ADGRB3: variants seen among roughly 807,000 people sequenced by gnomAD.
The protein encoded by ADGRB3 is adhesion G protein-coupled receptor B3, also known as brain-specific angiogenesis inhibitor 3.
Under a neutral mutation model 193.4 loss-of-function variants are expected in ADGRB3, and 37 were observed. The observed-to-expected ratio is 0.19, with a 90% CI of 0.15 to 0.25. ADGRB3 has a LOEUF of 0.25. Ranked by LOEUF, ADGRB3 falls within the 10% of genes least tolerant of loss-of-function variation. ADGRB3 has a pLI of 1.00. For synonymous variants in ADGRB3, 690 were observed against 644.2 expected (o/e 1.07, Z -1.08); for missense variants, 1,637 against 1,852.9 (o/e 0.88, Z 2.14).
chr6:69,024,870 A>T (rs1219314988), intron 13 of ADGRB3, among the ~76,000 whole-genome samples: 1 of 152,148 alleles, frequency 6.6e-6, no homozygotes, highest in Admixed American at 6.5e-5. Flanking sequence ...AGGCAGGCGG[A>T]TCATGAGGTC....
At chr6:69,030,591 A>G (rs1236638871) in intron 13 of ADGRB3, among the ~76,000 whole-genome samples, 1 of 152,108 alleles carries the variant, frequency 6.6e-6, no homozygotes, top group Non-Finnish European at 1.5e-5. Context: ...CAGGGAGGGG[A>G]ACATCACACA....
chr6:69,209,367 G>A (rs954493730), intron 17 of ADGRB3, among the ~76,000 whole-genome samples: 6 of 152,136 alleles, frequency 3.9e-5, no homozygotes, highest in Non-Finnish European at 8.8e-5. Context: ...ACCTTAGAAG[G>A]AATATCTCAA....
intron 3 of ADGRB3, among the ~76,000 whole-genome samples, chr6:68,919,785 G>A (rs1412569101): frequency 6.6e-6 from 1 of 152,156 alleles, no homozygotes; most frequent in African/African-American, 2.4e-5. Flanking sequence ...CAAGAGAGCA[G>A]TTTCATTCAA....
chr6:69,212,282 C>T (rs549635599), intron 17 of ADGRB3, among the ~76,000 whole-genome samples: 2 of 152,072 alleles, frequency 1.3e-5, no homozygotes, highest in Non-Finnish European at 2.9e-5. Flanking sequence ...ATACATAAAT[C>T]ACACAGAACT....
chr6:69,326,324 A>T (rs534682260), intron 21 of ADGRB3, among the ~76,000 whole-genome samples: 3 of 152,242 alleles, frequency 2.0e-5, no homozygotes, highest in Non-Finnish European at 4.4e-5. Flanking sequence ...AAGGCCTTCT[A>T]AAGTTGAGAT....
intron 17 of ADGRB3, among the ~76,000 whole-genome samples, chr6:69,081,096 A>G (rs1385153963): frequency 2.0e-5 from 3 of 152,048 alleles, no homozygotes; most frequent in African/African-American, 7.2e-5. Flanking sequence ...ATTCGTAGTC[A>G]GTATGTTGCA....
At chr6:69,368,938 G>C (rs1769646715) in intron 29 of ADGRB3, among the ~76,000 whole-genome samples, 1 of 152,040 alleles carries the variant, frequency 6.6e-6, no homozygotes, top group African/African-American at 2.4e-5. Flanking sequence ...ATTAGGAAGA[G>C]GAAAGAGCAT....
intron 17 of ADGRB3, chr6:69,232,988 T>C (rs1310300627): frequency 2.3e-6 from 1 of 435,898 alleles, no homozygotes; most frequent in Non-Finnish European, 4.1e-6. Context: ...CTGCTCGTGC[T>C]GCCGCCGCTG....
chr6:69,344,247 G>A (rs531707371), intron 26 of ADGRB3, among the ~76,000 whole-genome samples: 1 of 152,136 alleles, frequency 6.6e-6, no homozygotes, highest in Non-Finnish European at 1.5e-5. Flanking sequence ...CACTAACAGG[G>A]CCAAGCTCCT....
chr6:69,097,195 A>G (rs940233341), intron 17 of ADGRB3, among the ~76,000 whole-genome samples: 3 of 152,230 alleles, frequency 2.0e-5, no homozygotes, highest in African/African-American at 7.2e-5. Flanking sequence ...TGAGATTAGC[A>G]TATCTATGAC....
chr6:69,303,754 G>C (rs1768000929), intron 20 of ADGRB3, among the ~76,000 whole-genome samples: 1 of 151,906 alleles, frequency 6.6e-6, no homozygotes, highest in Non-Finnish European at 1.5e-5. Flanking sequence ...GCATAAAACT[G>C]ACCTATCTCT....
chr6:69,058,330 T>C (rs1031042320), intron 15 of ADGRB3, among the ~76,000 whole-genome samples: 7 of 151,958 alleles, frequency 4.6e-5, no homozygotes, highest in Non-Finnish European at 8.8e-5. Flanking sequence ...TCTTCTCTCT[T>C]TCTTTTCACT....
intron 3 of ADGRB3, among the ~76,000 whole-genome samples, chr6:68,864,431 C>T (rs1256056568): frequency 2.6e-5 from 4 of 152,090 alleles, no homozygotes; most frequent in Non-Finnish European, 5.9e-5. Flanking sequence ...GAAAAGTGTG[C>T]CATTTTCAGG....
intron 3 of ADGRB3, among the ~76,000 whole-genome samples, chr6:68,798,012 G>A (rs1274046610): frequency 6.6e-6 from 1 of 151,740 alleles, no homozygotes; most frequent in Non-Finnish European, 1.5e-5. Context: ...CTTTTTTATT[G>A]TGACACTCCT....
chr6:68,808,481 C>A (rs1767451903), intron 3 of ADGRB3, among the ~76,000 whole-genome samples: 2 of 147,392 alleles, frequency 1.4e-5, no homozygotes, highest in Non-Finnish European at 3.0e-5. Flanking sequence ...CAGTTATTTT[C>A]AAATCTAATC....
intron 3 of ADGRB3, among the ~76,000 whole-genome samples, chr6:68,770,890 C>G (rs1192781158): frequency 6.6e-6 from 1 of 151,992 alleles, no homozygotes. Flanking sequence ...TAGGGAATTC[C>G]TCATTTATTC....
At chr6:69,096,611 A>G (rs1772885623) in intron 17 of ADGRB3, among the ~76,000 whole-genome samples, 1 of 152,140 alleles carries the variant, frequency 6.6e-6, no homozygotes, top group South Asian at 2.1e-4. Flanking sequence ...CCAAGTCACT[A>G]TAATCTTGCT....
chr6:69,310,550 A>G (rs1310190822), intron 20 of ADGRB3, among the ~76,000 whole-genome samples: 2 of 151,798 alleles, frequency 1.3e-5, no homozygotes, highest in African/African-American at 2.4e-5. Context: ...TGTTTTAAAC[A>G]TATAAAACAT....
chr6:69,217,416 G>A (rs777424899), intron 17 of ADGRB3, among the ~76,000 whole-genome samples: 1 of 152,126 alleles, frequency 6.6e-6, no homozygotes, highest in Non-Finnish European at 1.5e-5. Context: ...TGATGTGATA[G>A]GCAACATAGA....
Sources: gnomAD v4.1 joint callset for allele counts (sites outside exome capture counted in the v4.1 genomes callset) on GRCh38, gnomAD v4.1.1 for gene constraint, MANE v1.5 for transcripts, NCBI Gene and HGNC (gene_info 2026-07-23, HGNC 2026-07-21) for gene names.